Variants in FRYL observed in about 807,000 individuals in gnomAD.
FRYL encodes the protein protein furry homolog-like.
In FRYL, 150 loss-of-function variants were observed where a neutral mutation model predicts 351.2. The ratio of observed to expected loss-of-function variants is 0.43; its 90% CI spans 0.37 to 0.49. FRYL has a LOEUF of 0.49. FRYL is among the 20% of genes least tolerant of loss of function. FRYL has a pLI of 0.00. For synonymous variants in FRYL, 1,153 were observed against 1,257.1 expected (o/e 0.92, Z 1.75); for missense variants, 3,036 against 3,619.3 (o/e 0.84, Z 4.13).
chr4:48,708,103 A>C (rs1008288491), intron 2 of FRYL, among the ~76,000 whole-genome samples: 2 of 151,710 alleles, frequency 1.3e-5, no homozygotes, highest in Non-Finnish European at 2.9e-5. Context: ...TACAGGTGTG[A>C]GCCACCACAC....
intron 10 of FRYL, among the ~76,000 whole-genome samples, chr4:48,606,159 A>G (rs924335285): frequency 6.6e-6 from 1 of 151,072 alleles, no homozygotes; most frequent in Non-Finnish European, 1.5e-5. Flanking sequence ...TGTAATCCCA[A>G]CTACTCGGGT....
At chr4:48,611,326 ATTGTT>A (rs1000641615) in intron 7 of FRYL, among the ~76,000 whole-genome samples, 23 of 151,792 alleles carry the variant, frequency 1.5e-4, no homozygotes, top group Admixed American at 1.3e-4. Context: ...ATTTATATAT[ATTGTT>A]TTAATTTTTA....
intron 16 of FRYL, among the ~76,000 whole-genome samples, chr4:48,592,114 A>ATATATATATATATATATATATATATATT (rs1272210127): frequency 5.8e-5 from 8 of 136,946 alleles, no homozygotes; most frequent in African/African-American, 2.0e-4. Flanking sequence ...ATATATATAT[A>ATATATATATATATATATATATATATATT]TTTTATCTAA....
chr4:48,656,336 A>ATTATATAATATATACTAAATATG (rs1759039639), intron 3 of FRYL, among the ~76,000 whole-genome samples: 1 of 126,772 alleles, frequency 7.9e-6, no homozygotes, highest in Non-Finnish European at 1.6e-5. Context: ...TACTAAATAT[A>ATTATATAATATATACTAAATATG]TTATATAATA....
intron 1 of FRYL, among the ~76,000 whole-genome samples, chr4:48,712,746 A>G (rs957412826): frequency 1.3e-5 from 2 of 152,164 alleles, no homozygotes; most frequent in African/African-American, 4.8e-5. Flanking sequence ...CGAGAAGAGC[A>G]ACTCCAAGAC....
chr4:48,721,537 T>C (rs776697860), intron 1 of FRYL, among the ~76,000 whole-genome samples: 37 of 152,178 alleles, frequency 2.4e-4, no homozygotes, highest in Admixed American at 7.9e-4. Context: ...GTGGAAGTCA[T>C]TACACTAGTG....
intron 1 of FRYL, among the ~76,000 whole-genome samples, chr4:48,734,530 C>T (rs1295814244): frequency 1.3e-5 from 2 of 152,160 alleles, no homozygotes; most frequent in African/African-American, 4.8e-5. Flanking sequence ...CATAGCTGAA[C>T]TCAACAACAC....
chr4:48,587,811 C>A (rs1017226391), intron 18 of FRYL, among the ~76,000 whole-genome samples: 4 of 152,148 alleles, frequency 2.6e-5, no homozygotes, highest in African/African-American at 9.7e-5. Context: ...TCCCAAAGTG[C>A]TGGGATTACA....
At chr4:48,711,783 T>G (rs1231551638) in intron 1 of FRYL, among the ~76,000 whole-genome samples, 2 of 152,206 alleles carry the variant, frequency 1.3e-5, no homozygotes, top group Non-Finnish European at 2.9e-5. Flanking sequence ...CCCTGACCCC[T>G]GACCCCCCGA....
chr4:48,690,715 A>G (rs141918052), intron 2 of FRYL, among the ~76,000 whole-genome samples: 387 of 152,284 alleles, frequency 2.5e-3, no homozygotes, highest in African/African-American at 9.0e-3. Flanking sequence ...TCTGTAATCA[A>G]TGTGTTAACC....
intron 16 of FRYL, 31 bp from the exon 17 acceptor site, chr4:48,590,861 ATGAGT>A: frequency 6.5e-7 from 1 of 1,534,696 alleles, no homozygotes; most frequent in Non-Finnish European, 8.9e-7. Context: ...AAAGGAAGAG[ATGAGT>A]ATCATAAATT....
rs922169069 is a variant in FRYL at position 48,590,007 on chromosome 4, C to T, written c.1508-130G>A. ...GCCACAAAAGGGGTTTCAACTGTGA[C>T]ATATTCTTCTCCCTGATGATCAGCT... On this transcript the variant is annotated intron_variant, in intron 17 of 63. Coordinates refer to ENST00000358350, the MANE Select transcript of FRYL (RefSeq NM_015030.2). 8 of 720,984 alleles carry T rather than the reference C, an allele frequency of 1.1e-5. No individual in the cohort carries two copies. In the Admixed American group the frequency reaches 1.6e-4, roughly 15 times the overall value. 44.7% of individuals were successfully genotyped at this position (720,984 alleles called of 1,614,324 possible).
intron 1 of FRYL, among the ~76,000 whole-genome samples, chr4:48,774,192 A>G (rs1775792950): frequency 6.6e-6 from 1 of 152,324 alleles, no homozygotes; most frequent in African/African-American, 2.4e-5. Context: ...AGGTTATGGT[A>G]TACAACTCTG....
At chr4:48,521,334 A>G (rs997972820) in intron 54 of FRYL, 119 bp from the exon 55 acceptor site, 17 of 713,842 alleles carry the variant, frequency 2.4e-5, no homozygotes, top group Middle Eastern at 4.0e-4. Context: ...ATTTCCTAAA[A>G]TCATCTTTCT....
Position 48,567,545 on chromosome 4 carries a change from T to A in FRYL, c.2997-125A>T. 1 of 610,440 alleles carries A rather than the reference T, an allele frequency of 1.6e-6. No homozygotes were observed. The highest frequency in any genetic ancestry group is 2.7e-6 in the Non-Finnish European group (1 of 375,380). The allele number at this position is 610,440 out of a possible 1,614,324, so 37.8% of individuals were successfully genotyped here. A position where few individuals can be genotyped will look rare whatever the true frequency, so the allele number is the denominator to read the frequency against. On this transcript the variant is annotated intron_variant, in intron 27 of 63. Coordinates refer to ENST00000358350, the MANE Select transcript of FRYL (RefSeq NM_015030.2). This position sits in a 1 kb window ranked among gnomAD's most constrained non-coding sequence, Gnocchi z 4.2. ...TGCATGCTCATGGCAGCACGCAACT[T>A]AATATATGAAAATTAAATGAATATG...
At chr4:48,701,876 A>G (rs1578764648) in intron 2 of FRYL, among the ~76,000 whole-genome samples, 2 of 152,118 alleles carry the variant, frequency 1.3e-5, no homozygotes, top group East Asian at 3.9e-4. Context: ...AGTCATAAGA[A>G]CTCTAATATC....
chr4:48,576,831 C>A (rs192688587), intron 23 of FRYL, among the ~76,000 whole-genome samples: 1 of 152,200 alleles, frequency 6.6e-6, no homozygotes, highest in Admixed American at 6.5e-5. Flanking sequence ...CACCTTTAAT[C>A]CCACATGAAA....
chr4:48,732,715 G>A (rs1347457394), intron 1 of FRYL, among the ~76,000 whole-genome samples: 1 of 144,390 alleles, frequency 6.9e-6, no homozygotes, highest in Admixed American at 7.1e-5. Flanking sequence ...TCATAAGTAG[G>A]AGATGAACAA....
chr4:48,567,407 G>T lies in FRYL; in HGVS notation c.3010C>A (p.Leu1004Ile). Residue 1004 changes from leucine (L) to isoleucine (I), a missense_variant, in exon 28 of 64, where the codon CTT becomes ATT. By Grantham distance (5) the Leu-to-Ile change is conservative (BLOSUM62 2). Around this residue, in one of 7 missense-constraint regions of FRYL, gnomAD observed 492 missense variants for 551.5 expected, o/e 0.89. Transcript: ENST00000358350. This position sits in a 1 kb window ranked among gnomAD's most constrained non-coding sequence, Gnocchi z 4.2. ...TTGAGAAAATGTGTTTCATTATCAA[G>T]GCCACCACTTGCACTGAAAATATTG... Reference protein sequence around the residue: ...GVISHSASGGLDNETHFLNNT... With the variant: ...GVISHSASGGIDNETHFLNNT... The T allele has an allele frequency of 6.2e-7, 1 of 1,601,972 alleles. No homozygotes were observed. Among genetic ancestry groups the T allele is most frequent in the African/African-American group, 1.3e-5 (1 of 74,450 alleles).
Sources: allele counts gnomAD v4.1 joint callset (sites outside exome capture counted in the v4.1 genomes callset), GRCh38; gene constraint gnomAD v4.1.1; regional missense constraint gnomAD v4.1.1; non-coding constraint Gnocchi (gnomAD v3.1); transcripts MANE v1.5; gene names NCBI Gene and HGNC (gene_info 2026-07-23, HGNC 2026-07-21).